CLEC2A: variants seen among roughly 807,000 people sequenced by gnomAD.
CLEC2A encodes the protein keratinocyte-associated C-type lectin.
In CLEC2A, 19 loss-of-function variants were observed where a neutral mutation model predicts 18.6. The observed-to-expected ratio is 1.02, with a 90% confidence interval of 0.71 to 1.50. The LOEUF (loss-of-function observed/expected upper bound fraction) is 1.50. Among genes scored for constraint, CLEC2A ranks in the 40% most tolerant of loss-of-function variants. The pLI, the probability that CLEC2A is intolerant of heterozygous loss-of-function variation, is 0.00. For synonymous variants in CLEC2A, 74 were observed against 64.0 expected, an observed-to-expected ratio of 1.16 and a Z score of -0.75; for missense variants, 190 against 207.9, an observed-to-expected ratio of 0.91 and a Z score of 0.53.
intron 1 of CLEC2A, among the ~76,000 whole-genome samples, chr12:9,930,312 G>A (rs1160987157): frequency 6.6e-6 from 1 of 152,104 alleles, no homozygotes; most frequent in Non-Finnish European, 1.5e-5. Flanking sequence ...AGGTAGAGGG[G>A]GTTAGAGCCT....
chr12:9,908,977 A>G (rs916707556), downstream of CLEC2A, among the ~76,000 whole-genome samples: 27 of 152,254 alleles, frequency 1.8e-4, no homozygotes, highest in African/African-American at 6.3e-4. Context: ...ATCTTCTCAC[A>G]TATACCTTTT....
chr12:9,889,622 A>C, the CLEC2A span, among the ~76,000 whole-genome samples: 35 of 150,984 alleles, frequency 2.3e-4, no homozygotes, highest in Non-Finnish European at 4.7e-4. Flanking sequence ...AATACCTTAA[A>C]TCTCTCTCTA....
chr12:9,903,059 T>G (rs1288869498), intron 4 of CLEC2A, among the ~76,000 whole-genome samples: 1 of 152,194 alleles, frequency 6.6e-6, no homozygotes, highest in South Asian at 2.1e-4. Context: ...ACAGGAGGGC[T>G]GTTTGCAGGA....
At chr12:9,911,985 C>A (rs1862993595), downstream of CLEC2A, among the ~76,000 whole-genome samples, 1 of 152,056 alleles carries the variant, frequency 6.6e-6, no homozygotes, top group Non-Finnish European at 1.5e-5. Flanking sequence ...TGGCTATAGC[C>A]CAAGACTAGC....
chr12:9,887,686 C>G, the CLEC2A span, among the ~76,000 whole-genome samples: 1 of 150,046 alleles, frequency 6.7e-6, no homozygotes, highest in Non-Finnish European at 1.5e-5. Context: ...AATAATGCAA[C>G]TAGGAAGCTG....
chr12:9,916,608 A>C (rs752228885), intron 4 of CLEC2A, 92 bp downstream of exon 4: 23 of 845,084 alleles, frequency 2.7e-5, no homozygotes, highest in Non-Finnish European at 3.9e-5. Flanking sequence ...GAAAACAGAA[A>C]GATTTGTTTA....
At chr12:9,892,226 G>C in the CLEC2A span, among the ~76,000 whole-genome samples, 1 of 152,072 alleles carries the variant, frequency 6.6e-6, no homozygotes, top group Middle Eastern at 3.2e-3. Context: ...AAAGTTAGCG[G>C]GTAAAGAAGG....
intron 2 of CLEC2A, among the ~76,000 whole-genome samples, chr12:9,924,576 G>A (rs16908615): frequency 0.021 from 3,240 of 152,146 alleles, 54 homozygotes; most frequent in Middle Eastern, 0.037. Flanking sequence ...ATTTGGCCAT[G>A]GCTCAGGAAT....
At chr12:9,920,369 T>A (rs545205194) in intron 3 of CLEC2A, among the ~76,000 whole-genome samples, 1 of 152,284 alleles carries the variant, frequency 6.6e-6, no homozygotes, top group South Asian at 2.1e-4. Context: ...CTTAGCTCTG[T>A]GTGTCAGACT....
the CLEC2A span, among the ~76,000 whole-genome samples, chr12:9,888,580 T>A: frequency 6.6e-6 from 1 of 152,286 alleles, no homozygotes; most frequent in Admixed American, 6.5e-5. Context: ...CGTAGTTAAA[T>A]CTGGGGAAGA....
chr12:9,877,826 T>G, the CLEC2A span, among the ~76,000 whole-genome samples: 2 of 152,320 alleles, frequency 1.3e-5, no homozygotes, highest in Non-Finnish European at 2.9e-5. Context: ...TCAAAAAGTC[T>G]TATTGAATGA....
In CLEC2A at chr12:9,901,341, CT is replaced by C. The variant is rs199606149; in HGVS notation, c.411-2366del. Among the ~76,000 whole-genome samples the C allele has an allele frequency of 6.6e-3, 1,005 of 152,280 alleles. 11 individuals are homozygous for C. The highest frequency in any genetic ancestry group is 0.023 in the African/African-American group (962 of 41,562). ...AGGATTAAAACAAGACAACAATTGT[CT>C]GTGAATAGCAAAATGTCCAGGGTAG... On this transcript the variant is annotated intron_variant, in intron 4 of 4. Transcript: ENST00000339766.
In CLEC2A at chr12:9,913,248, C is replaced by T; in HGVS notation, c.*318G>A. On this transcript the variant is annotated 3_prime_UTR_variant, in exon 5 of 5. Transcript: ENST00000455827. ...GATGCTATGTTCTGAGTATTTGGGT[C>T]CTCCCAAAACTCATAAATTGAAAGC... 2 of 295,868 alleles carry T rather than the reference C, an allele frequency of 6.8e-6. No individual in the cohort carries two copies. The highest frequency in any genetic ancestry group is 1.1e-4 in the South Asian group (1 of 9,514). 18.3% of individuals were successfully genotyped at this position (295,868 alleles called of 1,614,324 possible). A position where few individuals can be genotyped will look rare whatever the true frequency, so the allele number is the denominator to read the frequency against.
the CLEC2A span, among the ~76,000 whole-genome samples, chr12:9,885,648 T>C: frequency 4.6e-5 from 7 of 151,992 alleles, no homozygotes; most frequent in African/African-American, 9.7e-5. Flanking sequence ...CATATTTGTA[T>C]TGGGCAATTG....
At chr12:9,921,256 G>A (rs1048326542) in intron 3 of CLEC2A, among the ~76,000 whole-genome samples, 6 of 152,128 alleles carry the variant, frequency 3.9e-5, no homozygotes, top group Non-Finnish European at 2.9e-5. Flanking sequence ...GGCACTGACC[G>A]CCTGTGCAGT....
chr12:9,895,765 A>G, downstream of CLEC2A: 1 of 1,535,938 alleles, frequency 6.5e-7, no homozygotes, highest in Non-Finnish European at 8.7e-7. Flanking sequence ...TGAAGACTGT[A>G]GCTCCACATT....
the CLEC2A span, chr12:9,881,477 G>C: frequency 1.5e-6 from 1 of 658,168 alleles, no homozygotes; most frequent in Middle Eastern, 2.5e-4. Flanking sequence ...GACTATTTTT[G>C]GCCTTCCTTT....
intron 2 of CLEC2A, among the ~76,000 whole-genome samples, chr12:9,923,081 T>G (rs1218765762): frequency 6.6e-6 from 1 of 152,176 alleles, no homozygotes; most frequent in Non-Finnish European, 1.5e-5. Flanking sequence ...GTGTGCAGGT[T>G]TGTGACGTTG....
chr12:9,925,552 A>G (rs1308650860), intron 2 of CLEC2A, among the ~76,000 whole-genome samples: 16 of 152,346 alleles, frequency 1.1e-4, no homozygotes, highest in Non-Finnish European at 1.3e-4. Context: ...TGAGGATTAA[A>G]TACAAATAGC....
Sources: gnomAD v4.1 joint callset for allele counts (sites outside exome capture counted in the v4.1 genomes callset) on GRCh38, gnomAD v4.1.1 for gene constraint, MANE v1.5 for transcripts, NCBI Gene and HGNC (gene_info 2026-07-23, HGNC 2026-07-21) for gene names.